NDST4: variants seen among roughly 807,000 people sequenced by gnomAD.
NDST4 encodes the protein N-heparan sulfate sulfotransferase 4.
A neutral mutation model predicts 100.8 loss-of-function variants in NDST4; 63 were observed. The observed-to-expected ratio is 0.62, with a 90% CI of 0.51 to 0.77. The LOEUF (loss-of-function observed/expected upper bound fraction) is 0.77, where lower values mean the gene tolerates loss of function less well. Ranked by LOEUF, NDST4 falls within the 30% of genes least tolerant of loss-of-function variation. The probability of loss-of-function intolerance (pLI) is 0.00; values close to 1 mark genes in which losing one functional copy is unlikely to be tolerated. For synonymous variants in NDST4, 377 were observed against 361.8 expected, an observed-to-expected ratio of 1.04 and a Z score of -0.48; for missense variants, 943 against 1,018.4, an observed-to-expected ratio of 0.93 and a Z score of 1.01.
chr4:115,101,417 CCTAATATTGAGTAAGAACA>C (rs1172620527), intron 1 of NDST4, among the ~76,000 whole-genome samples: 1 of 151,634 alleles, frequency 6.6e-6, no homozygotes, highest in Non-Finnish European at 1.5e-5. Context: ...GAAAAAAAAC[CCTAATATTGAGTAAGAACA>C]CTAAGGAACA....
intron 7 of NDST4, among the ~76,000 whole-genome samples, chr4:114,868,635 T>A (rs1306559600): frequency 6.6e-6 from 1 of 151,992 alleles, no homozygotes; most frequent in Non-Finnish European, 1.5e-5. Flanking sequence ...ATATGATATT[T>A]AGTTAACAAA....
rs146730569 is a variant in NDST4, at chr4:114,928,445, G to A, written c.1536+6761C>T. Among the ~76,000 whole-genome samples, 622 of 152,280 alleles carry A rather than the reference G, an allele frequency of 4.1e-3. 4 individuals carry two copies. The highest frequency in any genetic ancestry group is 0.014 in the African/African-American group (586 of 41,544). On this transcript the variant is annotated intron_variant, in intron 6 of 13. Coordinates refer to ENST00000264363, the MANE Select transcript of NDST4 (RefSeq NM_022569.3). ...ACACTTACACAGAAAAAATCCAAGT[G>A]TGAATTATCTTTTCTTTCATTCAAT...
chr4:114,941,369 G>C (rs1288401944), intron 4 of NDST4, among the ~76,000 whole-genome samples: 3 of 150,956 alleles, frequency 2.0e-5, no homozygotes, highest in African/African-American at 7.3e-5. Context: ...GAAGACACTT[G>C]ACTTACAAAA....
At chr4:114,893,365 T>C (rs1007047266) in intron 6 of NDST4, among the ~76,000 whole-genome samples, 16 of 152,182 alleles carry the variant, frequency 1.1e-4, no homozygotes, top group Non-Finnish European at 2.1e-4. Context: ...CCACCAACAG[T>C]GTAAAAGCAT....
In NDST4 at chr4:114,839,380, G is replaced by T; in HGVS notation, c.2284C>A (p.Gln762Lys). ...ERWLTYFATS[Q>K]LLIIDGQQLR... ...AGAAAGTAATTTCAGGACATTACCT[G>T]AGAAGTAGCAAAGTAAGTTAGCCAT... Residue 762 changes from glutamine (Q) to lysine (K), a missense_variant and splice_region_variant, in exon 11 of 14, where the codon CAG (glutamine) becomes AAG (lysine). By Grantham distance (53) the Gln-to-Lys change is moderately conservative (BLOSUM62 1). This residue lies in a region of NDST4 where 526 missense variants were observed against 634.1 expected (regional missense o/e 0.83). Coordinates refer to ENST00000264363, the MANE Select transcript of NDST4 (RefSeq NM_022569.3). 1 of 1,607,714 alleles carries T rather than the reference G, an allele frequency of 6.2e-7. No individual in the cohort carries two copies. Among genetic ancestry groups the T allele is most frequent in the South Asian group, 1.1e-5 (1 of 90,144 alleles).
In NDST4 at chr4:114,939,775, A is replaced by C. The variant is rs149852757; in HGVS notation, c.1222-2272T>G. On this transcript the variant is annotated intron_variant, in intron 4 of 13. Transcript: ENST00000264363. ...TATATTTATTGATTTCTGGGGGCCCAGTGTTATACTGTTCATAAGGTCATC... is the reference window on the plus strand; with the variant it reads ...TATATTTATTGATTTCTGGGGGCCCCGTGTTATACTGTTCATAAGGTCATC... Among the ~76,000 whole-genome samples, 719 of 152,258 alleles carry C rather than the reference A, an allele frequency of 4.7e-3. 4 individuals are homozygous for C. Among genetic ancestry groups the C allele is most frequent in the African/African-American group, 0.017 (695 of 41,572 alleles).
chr4:115,089,525 C>A (rs1191489364), intron 1 of NDST4, among the ~76,000 whole-genome samples: 3 of 151,808 alleles, frequency 2.0e-5, no homozygotes, highest in Non-Finnish European at 4.4e-5. Context: ...AATATATTGT[C>A]CTTATCTTTT....
intron 6 of NDST4, among the ~76,000 whole-genome samples, chr4:114,915,542 C>A (rs962866574): frequency 2.6e-5 from 4 of 152,104 alleles, no homozygotes; most frequent in African/African-American, 9.7e-5. Context: ...TGGGCAGTGA[C>A]AAAGTCTTAA....
At chr4:115,037,543 CATGT>C (rs1170473395) in intron 2 of NDST4, among the ~76,000 whole-genome samples, 1 of 152,002 alleles carries the variant, frequency 6.6e-6, no homozygotes, top group Admixed American at 6.6e-5. Context: ...TTGTTATGTG[CATGT>C]ATGTAAATAT....
intron 6 of NDST4, among the ~76,000 whole-genome samples, chr4:114,916,360 GTC>G (rs1463040315): frequency 6.6e-6 from 1 of 152,024 alleles, no homozygotes; most frequent in Non-Finnish European, 1.5e-5. Flanking sequence ...TTTCTCTCCT[GTC>G]ACCCTTATCT....
At chr4:114,919,775 G>A (rs1343504927) in intron 6 of NDST4, among the ~76,000 whole-genome samples, 2 of 152,150 alleles carry the variant, frequency 1.3e-5, no homozygotes, top group African/African-American at 4.8e-5. Flanking sequence ...GATTCTATGT[G>A]GCCAGAGAGA....
intron 8 of NDST4, among the ~76,000 whole-genome samples, 170 bp downstream of exon 8, chr4:114,852,555 G>C (rs1723700785): frequency 6.6e-6 from 1 of 152,098 alleles, no homozygotes; most frequent in Non-Finnish European, 1.5e-5. Flanking sequence ...TCCTCTTGAG[G>C]TTCATGGTAT....
intron 2 of NDST4, among the ~76,000 whole-genome samples, chr4:115,072,349 A>AT (rs1204433281): frequency 2.6e-5 from 4 of 152,080 alleles, no homozygotes; most frequent in Non-Finnish European, 5.9e-5. Context: ...ATAGAAAAAA[A>AT]TTTTTAAAAG....
chr4:115,078,523 T>G (rs1729237115), intron 1 of NDST4, among the ~76,000 whole-genome samples: 1 of 152,160 alleles, frequency 6.6e-6, no homozygotes, highest in South Asian at 2.1e-4. Context: ...GCCCCTGCCC[T>G]GTGGATCTGT....
At chr4:114,902,072 T>C (rs2126210587) in intron 6 of NDST4, among the ~76,000 whole-genome samples, 1 of 152,198 alleles carries the variant, frequency 6.6e-6, no homozygotes, top group East Asian at 1.9e-4. Context: ...CATATATGAC[T>C]AAATACTTTG....
In NDST4 at chr4:115,007,741, C is replaced by T. The variant is rs1488686254; in HGVS notation, c.979-30467G>A. 3.1e-5 allele frequency among the ~76,000 whole-genome samples: 4 copies of T among 129,408 alleles called. 1 individual carries two copies. Among genetic ancestry groups the T allele is most frequent in the Non-Finnish European group, 6.6e-5 (4 of 60,344 alleles). 84.9% of individuals were successfully genotyped at this position (129,408 alleles called of 152,430 possible). A position where few individuals can be genotyped will look rare whatever the true frequency, so the allele number is the denominator to read the frequency against. Reference sequence around the variant, plus strand: ...TCATTAGCTGATATCTGCTTAGATGCTAAAGACAACAGGAAGACTTTCTGG... The same window carrying T: ...TCATTAGCTGATATCTGCTTAGATGTTAAAGACAACAGGAAGACTTTCTGG... On this transcript the variant is annotated intron_variant, in intron 2 of 13. Coordinates refer to ENST00000264363, the MANE Select transcript of NDST4 (RefSeq NM_022569.3).
chr4:114,995,307 A>G (rs1727135319), intron 2 of NDST4, among the ~76,000 whole-genome samples: 1 of 152,078 alleles, frequency 6.6e-6, no homozygotes, highest in Non-Finnish European at 1.5e-5. Context: ...TGACAGGCTG[A>G]TAATATTCTT....
chr4:115,080,744 AAGG>A (rs1180621395), intron 1 of NDST4, among the ~76,000 whole-genome samples: 1 of 151,936 alleles, frequency 6.6e-6, no homozygotes, highest in African/African-American at 2.4e-5. Flanking sequence ...GAACTTGTCG[AAGG>A]AGATTATTAA....
intron 7 of NDST4, among the ~76,000 whole-genome samples, chr4:114,858,986 A>G (rs1229906872): frequency 6.6e-6 from 1 of 152,214 alleles, no homozygotes; most frequent in Non-Finnish European, 1.5e-5. Context: ...ATATAGTGAG[A>G]ACAGGGAGAA....
Sources: allele counts gnomAD v4.1 joint callset (sites outside exome capture counted in the v4.1 genomes callset), GRCh38; gene constraint gnomAD v4.1.1; regional missense constraint gnomAD v4.1.1; transcripts MANE v1.5; gene names NCBI Gene and HGNC (gene_info 2026-07-23, HGNC 2026-07-21).